Variants in NPIPB2 observed in about 807,000 individuals in gnomAD.
NPIPB2 encodes the protein nuclear pore complex interacting protein family member B2.
Under a neutral mutation model 30.8 loss-of-function variants are expected in NPIPB2, and 27 were observed. The observed-to-expected ratio is 0.88, with a 90% CI of 0.65 to 1.21. The LOEUF (loss-of-function observed/expected upper bound fraction) is 1.21. NPIPB2 is among the 50% of genes most tolerant of loss of function. NPIPB2 has a pLI of 0.00. For synonymous variants in NPIPB2, 147 were observed against 162.0 expected (o/e 0.91, Z 0.70); for missense variants, 440 against 446.2 (o/e 0.99, Z 0.13).
chr16:11,961,430 T>G (rs1222715335), intron 1 of NPIPB2, among the ~76,000 whole-genome samples: 4 of 152,244 alleles, frequency 2.6e-5, no homozygotes, highest in African/African-American at 7.2e-5. Flanking sequence ...AAGTATTTTT[T>G]TAAATTTCTG....
At chr16:11,972,322 T>C (rs532730267) in intron 1 of NPIPB2, among the ~76,000 whole-genome samples, 1 of 152,322 alleles carries the variant, frequency 6.6e-6, no homozygotes, top group African/African-American at 2.4e-5. Context: ...ACGCCCGTAA[T>C]TCCAGCACTA....
At chr16:11,973,871 G>A (rs2150946890) in intron 1 of NPIPB2, among the ~76,000 whole-genome samples, 1 of 152,310 alleles carries the variant, frequency 6.6e-6, no homozygotes, top group East Asian at 1.9e-4. Flanking sequence ...GGGAGAAGAG[G>A]AATTCTGTTG....
intron 1 of NPIPB2, among the ~76,000 whole-genome samples, chr16:11,950,614 T>G (rs1056951244): frequency 4.6e-5 from 7 of 152,126 alleles, no homozygotes; most frequent in Non-Finnish European, 2.9e-5. Context: ...CAATGTTCTT[T>G]GCACTCTGCC....
At chr16:11,931,467 A>G (rs1250918191) in intron 4 of NPIPB2, among the ~76,000 whole-genome samples, 2 of 151,056 alleles carry the variant, frequency 1.3e-5, no homozygotes, top group East Asian at 1.9e-4. Context: ...CTTCAAAGAG[A>G]AAGTTAATGA....
upstream of NPIPB2, among the ~76,000 whole-genome samples, chr16:11,945,328 C>G (rs1008606570): frequency 6.6e-6 from 1 of 152,116 alleles, no homozygotes; most frequent in Non-Finnish European, 1.5e-5. Flanking sequence ...CTGCAGTGAG[C>G]TCTGATGGCA....
At chr16:11,944,845 G>C (rs976892397), upstream of NPIPB2, among the ~76,000 whole-genome samples, 22 of 150,998 alleles carry the variant, frequency 1.5e-4, no homozygotes, top group African/African-American at 5.4e-4. Flanking sequence ...AGCCCTCTCT[G>C]TTCAAAATGG....
chr16:11,962,191 C>A (rs1293280326), intron 1 of NPIPB2, among the ~76,000 whole-genome samples: 2 of 126,540 alleles, frequency 1.6e-5, no homozygotes, highest in Non-Finnish European at 3.3e-5. Context: ...GAGCAACACC[C>A]TGTCTTAAAA....
chr16:11,937,448 T>G (rs1596492242), intron 2 of NPIPB2, 92 bp downstream of exon 2: 2 of 772,522 alleles, frequency 2.6e-6, no homozygotes, highest in East Asian at 5.6e-5. Context: ...AACCACATAT[T>G]CATAATGAAG....
chr16:11,937,569 C>A, exon 2 of NPIPB2: 1 of 1,599,372 alleles, frequency 6.3e-7, no homozygotes, highest in Non-Finnish European at 8.5e-7. Context: ...AGGGTAAGGA[C>A]AACTTTATAA....
At chr16:11,961,289 A>T (rs2150935944) in intron 1 of NPIPB2, among the ~76,000 whole-genome samples, 1 of 152,236 alleles carries the variant, frequency 6.6e-6, no homozygotes, top group Non-Finnish European at 1.5e-5. Flanking sequence ...CAGCTGCTTC[A>T]GCTTCTCCCT....
chr16:11,967,688 C>G (rs754679282), intron 1 of NPIPB2: 1 of 1,614,182 alleles, frequency 6.2e-7, no homozygotes, highest in Non-Finnish European at 8.5e-7. Flanking sequence ...AAGACTGCAT[C>G]AAGAGCAAAC....
At chr16:11,958,346 T>C (rs993538300) in intron 1 of NPIPB2, among the ~76,000 whole-genome samples, 1 of 151,386 alleles carries the variant, frequency 6.6e-6, no homozygotes, top group African/African-American at 2.4e-5. Flanking sequence ...GAGACGTGCT[T>C]GAACCCAGGA....
At chr16:11,976,591 C>T (rs1383478726) in exon 1 of NPIPB2, 1 of 363,764 alleles carries the variant, frequency 2.7e-6, no homozygotes. Context: ...CCCGCGTAGC[C>T]TCAGCACCGC....
intron 1 of NPIPB2, chr16:11,941,286 G>A (rs2054935500): frequency 2.1e-5 from 30 of 1,458,554 alleles, no homozygotes; most frequent in South Asian, 1.1e-4. Flanking sequence ...CAGGACAGAG[G>A]TGGAGGTGGC....
At chr16:11,945,053 G>A (rs371112413), upstream of NPIPB2, among the ~76,000 whole-genome samples, 2 of 152,036 alleles carry the variant, frequency 1.3e-5, no homozygotes, top group East Asian at 3.9e-4. Flanking sequence ...CAGGCATGGT[G>A]GAGCATGCCT....
At position 11,934,220 on chromosome 16, in the gene NPIPB2, ACT is replaced by A. The variant is rs1457195297; in HGVS notation, c.193-298_193-297del. ...ACTCCAGCCTGAGAGACAGAATGAG[ACT>A]CTGTCACACACACACACACACACAC... On this transcript the variant is annotated intron_variant, in intron 2 of 7. Coordinates refer to ENST00000399147, the Ensembl canonical transcript of NPIPB2. Among the ~76,000 whole-genome samples the A allele has an allele frequency of 1.5e-3, 139 of 93,434 alleles. 2 individuals carry two copies. Among genetic ancestry groups the A allele is most frequent in the African/African-American group, 5.3e-3 (129 of 24,128 alleles). 61.3% of individuals were successfully genotyped at this position (93,434 alleles called of 152,430 possible). A position where few individuals can be genotyped will look rare whatever the true frequency, so the allele number is the denominator to read the frequency against.
At chr16:11,946,253 C>T (rs975969451), upstream of NPIPB2, among the ~76,000 whole-genome samples, 2 of 151,572 alleles carry the variant, frequency 1.3e-5, no homozygotes, top group Admixed American at 1.3e-4. Context: ...GGCATGGTGG[C>T]ACATGCCTAT....
rs2054826085 is a variant in NPIPB2 at position 11,933,813 on chromosome 16, A to T, written c.292+12T>A. On this transcript the variant is annotated intron_variant, in intron 3 of 7. Coordinates refer to ENST00000399147, the Ensembl canonical transcript of NPIPB2. ...TCATTTCCACACTATGGGGACTCCAACAGAGCCATACCTTCCTGTCTACGG... is the reference window on the plus strand; with the variant it reads ...TCATTTCCACACTATGGGGACTCCATCAGAGCCATACCTTCCTGTCTACGG... 1 of 1,589,644 alleles carries T rather than the reference A, an allele frequency of 6.3e-7. No homozygotes were observed. The highest frequency in any genetic ancestry group is 8.5e-7 in the Non-Finnish European group (1 of 1,172,650).
At chr16:11,947,463 G>A (rs1194639923) in intron 1 of NPIPB2, among the ~76,000 whole-genome samples, 7 of 151,574 alleles carry the variant, frequency 4.6e-5, no homozygotes, top group Admixed American at 4.6e-4. Context: ...TCCTGCCTCA[G>A]CCTCCCGAGT....
Sources: allele counts gnomAD v4.1 joint callset (sites outside exome capture counted in the v4.1 genomes callset), GRCh38; gene constraint gnomAD v4.1.1; transcripts MANE v1.5; gene names NCBI Gene and HGNC (gene_info 2026-07-23, HGNC 2026-07-21).